SMIM14: variants seen among roughly 807,000 people sequenced by gnomAD.
The protein encoded by SMIM14 is chromosome 4 open reading frame 34.
In SMIM14, 5 loss-of-function variants were observed where a neutral mutation model predicts 12.6. The observed-to-expected ratio is 0.40, with a 90% CI of 0.21 to 0.83. The LOEUF is 0.83. SMIM14 is among the 40% of genes least tolerant of loss of function. The pLI is 0.37. For synonymous variants in SMIM14, 30 were observed against 40.1 expected (o/e 0.75, Z 0.95); for missense variants, 86 against 119.1 (o/e 0.72, Z 1.29).
intron 1 of SMIM14, among the ~76,000 whole-genome samples, chr4:39,616,466 G>A (rs1407580828): frequency 2.0e-5 from 3 of 151,988 alleles, no homozygotes; most frequent in Non-Finnish European, 4.4e-5. Context: ...TCTGACTCTT[G>A]CTTCTCAGAC....
At chr4:39,559,408 G>C (rs984517355) in intron 3 of SMIM14, among the ~76,000 whole-genome samples, 2 of 151,196 alleles carry the variant, frequency 1.3e-5, no homozygotes, top group African/African-American at 4.8e-5. Context: ...AGAAAAGAAA[G>C]GAAAAGAAAA....
rs1279812729 is a variant in SMIM14 at position 39,546,826 on chromosome 4, G to GTGT, written c.*5297_*5299dup. 2.0e-5 allele frequency: 3 copies of GTGT among 152,216 alleles called. No individual in the cohort carries two copies. The highest frequency in any genetic ancestry group is 1.3e-4 in the Admixed American group (2 of 15,278). The allele number at this position is 152,216 out of a possible 1,614,324, so 9.4% of individuals were successfully genotyped here. Reference sequence around the variant, plus strand: ...CTGACGTCAAAATCATGCCAGAGCAGTGTTACTATTTTTACATGTATATGA... The same window carrying GTGT: ...CTGACGTCAAAATCATGCCAGAGCAGTGTTGTTACTATTTTTACATGTATATGA... On this transcript the variant is annotated 3_prime_UTR_variant, in exon 5 of 5. Coordinates refer to ENST00000295958, the MANE Select transcript of SMIM14 (RefSeq NM_174921.3).
intron 1 of SMIM14, among the ~76,000 whole-genome samples, chr4:39,606,580 G>A (rs1430322467): frequency 6.6e-6 from 1 of 150,532 alleles, no homozygotes; most frequent in Non-Finnish European, 1.5e-5. Flanking sequence ...GGCAGATGTT[G>A]CAGTGAGCCA....
At chr4:39,553,897 A>G (rs1711865113) in intron 4 of SMIM14, among the ~76,000 whole-genome samples, 1 of 152,036 alleles carries the variant, frequency 6.6e-6, no homozygotes, top group Non-Finnish European at 1.5e-5. Context: ...CCTGGTCTAT[A>G]ATGCCTTCTT....
intron 2 of SMIM14, chr4:39,593,671 A>G (rs562344824): frequency 6.6e-6 from 1 of 152,198 alleles, no homozygotes; most frequent in East Asian, 1.9e-4. Flanking sequence ...TCAGCCCAAA[A>G]TCTCCTTAAG....
rs76035299 is a variant in SMIM14 at position 39,570,087 on chromosome 4, T to C, written c.124+2328A>G. 2.5e-3 allele frequency among the ~76,000 whole-genome samples: 388 copies of C among 152,342 alleles called. 1 individual carries two copies. Among genetic ancestry groups the C allele is most frequent in the African/African-American group, 9.0e-3 (376 of 41,586 alleles). On this transcript the variant is annotated intron_variant, in intron 3 of 4. Coordinates refer to ENST00000295958, the MANE Select transcript of SMIM14 (RefSeq NM_174921.3). ...TCTGAGCCACTGCTTTGAGTTACTTTGCATTGAGCTTTCTCCCATGTGATG... is the reference window on the plus strand; with the variant it reads ...TCTGAGCCACTGCTTTGAGTTACTTCGCATTGAGCTTTCTCCCATGTGATG...
chr4:39,604,010 C>CAAAA, intron 2 of SMIM14, among the ~76,000 whole-genome samples: 1 of 82,306 alleles, frequency 1.2e-5, no homozygotes, highest in Admixed American at 1.3e-4. Flanking sequence ...GACACTGTCT[C>CAAAA]AAAAAAAAAA....
intron 2 of SMIM14, among the ~76,000 whole-genome samples, chr4:39,583,598 A>G (rs1713627679): frequency 6.6e-6 from 1 of 152,090 alleles, no homozygotes; most frequent in South Asian, 2.1e-4. Flanking sequence ...GTGGCTCCCT[A>G]TTGTTCTAGT....
At chr4:39,619,876 ATTTT>A (rs368919092) in intron 1 of SMIM14, among the ~76,000 whole-genome samples, 6 of 115,868 alleles carry the variant, frequency 5.2e-5, no homozygotes, top group African/African-American at 2.1e-4. Context: ...ATATATATAT[ATTTT>A]TTTTTTTTTA....
At chr4:39,619,022 A>G (rs141625488) in intron 1 of SMIM14, among the ~76,000 whole-genome samples, 1 of 152,224 alleles carries the variant, frequency 6.6e-6, no homozygotes, top group Non-Finnish European at 1.5e-5. Context: ...TTTGGAATAT[A>G]TGTGATATAC....
chr4:39,630,466 C>A (rs1560311624), intron 1 of SMIM14, among the ~76,000 whole-genome samples: 3 of 152,128 alleles, frequency 2.0e-5, no homozygotes, highest in Non-Finnish European at 4.4e-5. Flanking sequence ...TAACTCACAG[C>A]CTCTTTCTTC....
At chr4:39,567,422 GC>G (rs1227111812) in intron 3 of SMIM14, among the ~76,000 whole-genome samples, 2 of 151,866 alleles carry the variant, frequency 1.3e-5, no homozygotes, top group African/African-American at 4.8e-5. Context: ...TGGGCAACAT[GC>G]AAAACCCTGT....
intron 2 of SMIM14, among the ~76,000 whole-genome samples, chr4:39,587,254 T>TG (rs1346480939): frequency 6.6e-6 from 1 of 151,764 alleles, no homozygotes; most frequent in Admixed American, 6.6e-5. Context: ...CCCAGCACTT[T>TG]GGGAGGCCGA....
At chr4:39,572,499 C>T (rs1326504117) in intron 2 of SMIM14, 36 bp from the exon 3 acceptor site, 1 of 1,558,052 alleles carries the variant, frequency 6.4e-7, no homozygotes, top group Non-Finnish European at 8.8e-7. Context: ...AGTGATTAGA[C>T]TTAAACAAAA....
chr4:39,608,618 G>C (rs1714904040), intron 1 of SMIM14, among the ~76,000 whole-genome samples: 1 of 152,200 alleles, frequency 6.6e-6, no homozygotes, highest in African/African-American at 2.4e-5. Flanking sequence ...ACAGGAAGTA[G>C]AATGGTGACT....
intron 2 of SMIM14, among the ~76,000 whole-genome samples, chr4:39,579,909 A>C (rs1397368445): frequency 6.6e-6 from 1 of 152,066 alleles, no homozygotes; most frequent in Non-Finnish European, 1.5e-5. Context: ...AGATCAAAGA[A>C]GATTCTAATG....
chr4:39,637,458 A>G (rs1408377859), intron 1 of SMIM14, among the ~76,000 whole-genome samples: 2 of 152,184 alleles, frequency 1.3e-5, no homozygotes, highest in African/African-American at 2.4e-5. Flanking sequence ...TCAAGGAAAT[A>G]ATCTAAACTC....
intron 2 of SMIM14, among the ~76,000 whole-genome samples, chr4:39,587,196 A>G (rs1713822915): frequency 6.6e-6 from 1 of 151,912 alleles, no homozygotes; most frequent in Non-Finnish European, 1.5e-5. Context: ...ACGTATATGC[A>G]TATTAAATTT....
intron 1 of SMIM14, among the ~76,000 whole-genome samples, chr4:39,610,904 T>C (rs1228742564): frequency 6.6e-6 from 1 of 152,002 alleles, no homozygotes; most frequent in Non-Finnish European, 1.5e-5. Context: ...CTGGGATACA[T>C]ATAGAATATA....
Sources: gnomAD v4.1 joint callset for allele counts (sites outside exome capture counted in the v4.1 genomes callset) on GRCh38, gnomAD v4.1.1 for gene constraint, MANE v1.5 for transcripts, NCBI Gene and HGNC (gene_info 2026-07-23, HGNC 2026-07-21) for gene names.